SF3B2: variants seen among roughly 807,000 people sequenced by gnomAD.
The protein encoded by SF3B2 is SAP 145.
In SF3B2, 22 loss-of-function variants were observed where a neutral mutation model predicts 116.3. The observed-to-expected ratio is 0.19, with a 90% CI of 0.14 to 0.27. The LOEUF (loss-of-function observed/expected upper bound fraction) is 0.27. Among genes scored for constraint, SF3B2 ranks in the 10% least tolerant of loss-of-function variants. The pLI, the probability that SF3B2 is intolerant of heterozygous loss-of-function variation, is 1.00. For missense variants in SF3B2, 767 were observed against 1,151.4 expected, an observed-to-expected ratio of 0.67 and a Z score of 4.83; for synonymous variants, 406 against 421.6, an observed-to-expected ratio of 0.96 and a Z score of 0.45.
intron 6 of SF3B2, 113 bp downstream of exon 6, chr11:66,057,068 T>C (rs1049210601): frequency 3.5e-6 from 3 of 868,356 alleles, no homozygotes; most frequent in Non-Finnish European, 5.7e-6. Flanking sequence ...ATATATAGTT[T>C]AATGGTTTTT....
intron 7 of SF3B2, 85 bp downstream of exon 7, chr11:66,057,460 GAGA>G: frequency 1.4e-6 from 1 of 727,030 alleles, no homozygotes; most frequent in Non-Finnish European, 2.4e-6. Flanking sequence ...AAGGTTCTGT[GAGA>G]AGATGGGGGG....
In SF3B2 at chr11:66,056,774, T is replaced by C. The variant is rs904288281; in HGVS notation, c.550-64T>C. ...CCCATTACCCGGCTGAAAGAATGCA[T>C]TTGCCAGGGGCTGCCTGCCAAATGC... On this transcript the variant is annotated intron_variant, in intron 5 of 21. Coordinates refer to ENST00000322535, the MANE Select transcript of SF3B2 (RefSeq NM_006842.3). 6 of 1,274,488 alleles carry C rather than the reference T, an allele frequency of 4.7e-6. No individual in the cohort carries two copies. The African/African-American group carries it at 8.8e-5, about 19-fold the overall frequency. 78.9% of individuals were successfully genotyped at this position (1,274,488 alleles called of 1,614,324 possible).
chr11:66,060,085 C>A, intron 13 of SF3B2, 76 bp downstream of exon 13: 1 of 1,376,682 alleles, frequency 7.3e-7, no homozygotes, highest in Non-Finnish European at 1.0e-6. Flanking sequence ...AAATGGGAAT[C>A]TGGTTTGAAA....
chr11:66,060,071 T>C, intron 13 of SF3B2, 62 bp downstream of exon 13: 1 of 1,470,570 alleles, frequency 6.8e-7, no homozygotes, highest in African/African-American at 1.4e-5. Context: ...AGCAGTGTGC[T>C]TCAAAATGGG....
chr11:66,061,064 G>C (rs1462822851), intron 14 of SF3B2, among the ~76,000 whole-genome samples: 1 of 152,120 alleles, frequency 6.6e-6, no homozygotes, highest in African/African-American at 2.4e-5. Context: ...CCAAAGTGCT[G>C]GGTTTATAGG....
rs779630852 is a variant in SF3B2, at chr11:66,063,728, G to A, written c.2329G>A (p.Gly777Arg). 31 of 1,608,388 alleles carry A rather than the reference G, an allele frequency of 1.9e-5. No individual in the cohort carries two copies. Among genetic ancestry groups the A allele is most frequent in the African/African-American group, 2.7e-5 (2 of 74,780 alleles). ...GAAGAAGATTGAGGAGGCGATGGAC[G>A]GGTAAGGGTACCAGACAGGGCTGAG... ...RKKKIEEAMDGSETPQLFTVL... is the reference protein window; with the variant it reads ...RKKKIEEAMDRSETPQLFTVL... The change falls in exon 19 of 22, where the codon GGA (glycine) becomes AGA (arginine). Residue 777 changes from glycine to arginine, a missense_variant and splice_region_variant. Gly to Arg is a moderately radical substitution (Grantham distance 125). Coordinates refer to ENST00000322535, the MANE Select transcript of SF3B2 (RefSeq NM_006842.3).
Position 66,068,783 on chromosome 11 carries a change from G to T in SF3B2, c.*38G>T. ...TAGCCCTTTTTTTGGCCCTACGTCT[G>T]GATGCCTGGGCTTCACACAAGAACC... On this transcript the variant is annotated 3_prime_UTR_variant, in exon 22 of 22. Transcript: ENST00000322535. 1 of 1,532,980 alleles carries T rather than the reference G, an allele frequency of 6.5e-7. No individual in the cohort carries two copies. The highest frequency in any genetic ancestry group is 9.0e-7 in the Non-Finnish European group (1 of 1,108,184). 95.0% of individuals were successfully genotyped at this position (1,532,980 alleles called of 1,614,324 possible).
At chr11:66,067,901 C>G (rs1272244385) in intron 19 of SF3B2, 45 bp from the exon 20 acceptor site, 2 of 1,544,182 alleles carry the variant, frequency 1.3e-6, no homozygotes, top group Non-Finnish European at 1.8e-6. Flanking sequence ...TCTGGAGACC[C>G]TTTTGTCCCT....
At chr11:66,058,622 A>C in intron 9 of SF3B2, 2 of 632,362 alleles carry the variant, frequency 3.2e-6, no homozygotes, top group Non-Finnish European at 2.8e-6. Context: ...TGAGACGCAC[A>C]GTAATTTACC....
rs61696358 is a variant in SF3B2 at position 66,060,998 on chromosome 11, G to GTT, written c.1779+268_1779+269dup. On this transcript the variant is annotated intron_variant, in intron 14 of 21. Coordinates refer to ENST00000322535, the MANE Select transcript of SF3B2 (RefSeq NM_006842.3). ...TTTGGTAGAGACAGGGTTTCGCTATGTTGCCCAGGCTAGTGTGGAACTCCT... is the reference window on the plus strand; with the variant it reads ...TTTGGTAGAGACAGGGTTTCGCTATGTTTTGCCCAGGCTAGTGTGGAACTCCT... Among the ~76,000 whole-genome samples, 961 of 152,242 alleles carry GTT rather than the reference G, an allele frequency of 6.3e-3. 10 individuals are homozygous for GTT. Among genetic ancestry groups the GTT allele is most frequent in the African/African-American group, 0.022 (910 of 41,530 alleles).
At chr11:66,066,603 G>A (rs998129665) in intron 19 of SF3B2, 2 of 152,146 alleles carry the variant, frequency 1.3e-5, no homozygotes, top group Admixed American at 1.3e-4. Flanking sequence ...GGTTCTTGAG[G>A]CAGGACTGAA....
At position 66,055,156 on chromosome 11, in the gene SF3B2, A is replaced by AGGCCTT. The variant is rs1264464239; in HGVS notation, c.349_354dup (p.Leu117_Gly118dup). The AGGCCTT allele has an allele frequency of 6.6e-7, 1 of 1,512,476 alleles. No homozygotes were observed. The highest frequency in any genetic ancestry group is 1.8e-5 in the Admixed American group (1 of 56,592). 93.7% of individuals were successfully genotyped at this position (1,512,476 alleles called of 1,614,324 possible). Reference sequence around the variant, plus strand: ...CTCCGCCACCCCCACCACCTCCACCAGGCCTTGGCCTTGGCTTTCCTATGG... The same window carrying AGGCCTT: ...CTCCGCCACCCCCACCACCTCCACCAGGCCTTGGCCTTGGCCTTGGCTTTCCTATGG... On this transcript the variant is annotated inframe_insertion, in exon 4 of 22. Transcript: ENST00000322535.
chr11:66,067,106 AT>A (rs1040851290), intron 19 of SF3B2: 50 of 223,916 alleles, frequency 2.2e-4, no homozygotes, highest in South Asian at 7.4e-4. Context: ...TATTTTGCCC[AT>A]TTTTTTTGGT....
chr11:66,058,462 AAT>A lies in SF3B2; in HGVS notation c.966+59_966+60del. 5 of 1,352,880 alleles carry A rather than the reference AAT, an allele frequency of 3.7e-6. No individual in the cohort carries two copies. The South Asian group carries it at 5.9e-5, about 16-fold the overall frequency. The allele number at this position is 1,352,880 out of a possible 1,614,324, so 83.8% of individuals were successfully genotyped here. On this transcript the variant is annotated intron_variant, in intron 9 of 21. Transcript: ENST00000322535. ...CCAGGAGATGGGACTTGGGTACGGA[AAT>A]AACACAATTTGTAAGTGTTCAGTAA...
At chr11:66,056,715 A>G (rs1857001777) in intron 5 of SF3B2, 123 bp from the exon 6 acceptor site, 6 of 693,134 alleles carry the variant, frequency 8.7e-6, no homozygotes. Context: ...AGGGGATGTC[A>G]GCACCCAAGT....
chr11:66,056,110 A>C (rs1856988815), intron 5 of SF3B2, among the ~76,000 whole-genome samples: 1 of 152,190 alleles, frequency 6.6e-6, no homozygotes, highest in South Asian at 2.1e-4. Context: ...GTTAAAAAGC[A>C]ACAAGTATGA....
At chr11:66,057,091 A>G (rs1857011676) in intron 6 of SF3B2, 136 bp downstream of exon 6, 1 of 836,512 alleles carries the variant, frequency 1.2e-6, no homozygotes, top group Non-Finnish European at 2.0e-6. Flanking sequence ...CACACTGAAC[A>G]CACCTGTACA....
chr11:66,062,298 G>A (rs1020201747), intron 16 of SF3B2, among the ~76,000 whole-genome samples: 12 of 152,020 alleles, frequency 7.9e-5, no homozygotes, highest in African/African-American at 2.7e-4. Context: ...TGGTGAATGT[G>A]TTTCCAGATA....
chr11:66,053,621 C>G (rs1856931840), intron 3 of SF3B2: 1 of 156,008 alleles, frequency 6.4e-6, no homozygotes. Flanking sequence ...GCAGTGAGCT[C>G]TGGTTGCGCC....
Sources: allele counts gnomAD v4.1 joint callset (sites outside exome capture counted in the v4.1 genomes callset), GRCh38; gene constraint gnomAD v4.1.1; transcripts MANE v1.5; gene names NCBI Gene and HGNC (gene_info 2026-07-23, HGNC 2026-07-21).